The following HABP2 variants were observed in gnomAD, a reference collection of about 807,000 sequenced individuals.
HABP2 encodes factor VII-activating protease.
In HABP2, 65 loss-of-function variants were observed where a neutral mutation model predicts 66.5. That is an observed-to-expected ratio of 0.98 (90% confidence interval 0.80 to 1.20). The LOEUF is 1.20. Among genes scored for constraint, HABP2 ranks in the 50% most tolerant of loss-of-function variants. The pLI is 0.00. For missense variants in HABP2, 786 were observed against 691.0 expected, an observed-to-expected ratio of 1.14 and a Z score of -1.54; for synonymous variants, 263 against 253.9, an observed-to-expected ratio of 1.04 and a Z score of -0.34.
In HABP2 at chr10:113,588,637, C is replaced by T; in HGVS notation, c.*268C>T. 1 of 520,990 alleles carries T rather than the reference C, an allele frequency of 1.9e-6. No individual in the cohort carries two copies. The highest frequency in any genetic ancestry group is 3.4e-6 in the Non-Finnish European group (1 of 297,462). 32.3% of individuals were successfully genotyped at this position (520,990 alleles called of 1,614,324 possible). A position where few individuals can be genotyped will look rare whatever the true frequency, so the allele number is the denominator to read the frequency against. ...GTTTGCTTTCCTTACCCAATTGTACCTTCTAGAAAATCAGTGTTCACAGAG... is the reference window on the plus strand; with the variant it reads ...GTTTGCTTTCCTTACCCAATTGTACTTTCTAGAAAATCAGTGTTCACAGAG... On this transcript the variant is annotated 3_prime_UTR_variant, in exon 13 of 13. Coordinates refer to ENST00000351270, the MANE Select transcript of HABP2 (RefSeq NM_004132.5).
intron 1 of HABP2, among the ~76,000 whole-genome samples, chr10:113,564,980 A>G (rs4918845): frequency 0.33 from 49,385 of 151,872 alleles, 9,324 homozygotes; most frequent in East Asian, 0.51. Flanking sequence ...CCGAGTAGCT[A>G]GGACTACAGG....
At position 113,578,776 on chromosome 10, in the gene HABP2, A is replaced by T; in HGVS notation, c.718A>T (p.Ile240Phe). Residue 240 changes from isoleucine to phenylalanine, a missense_variant, in exon 7 of 13, where the codon ATT (isoleucine) becomes TTT (phenylalanine). Physicochemically the swap from Ile to Phe is conservative, Grantham distance 21. Transcript: ENST00000351270. ...TATGGAGGATGCTGAAACCCATGGG[A>T]TTGGGGAACACAATTTCTGCAGGTA... ...MFMEDAETHG[I>F]GEHNFCRNPD... The T allele has an allele frequency of 6.2e-7, 1 of 1,611,248 alleles. No individual in the cohort carries two copies. Among genetic ancestry groups the T allele is most frequent in the Non-Finnish European group, 8.5e-7 (1 of 1,177,624 alleles).
Position 113,586,474 on chromosome 10 carries a change from G to T in HABP2, c.1518+536G>T, listed in dbSNP as rs1352784162. On this transcript the variant is annotated intron_variant, in intron 12 of 12. Coordinates refer to ENST00000351270, the MANE Select transcript of HABP2 (RefSeq NM_004132.5). Reference sequence around the variant, plus strand: ...GACTCATGTGTGCGTGTGTGTGTGTGTGGGGGGGGGGGGGGTGTTTTAGCC... The same window carrying T: ...GACTCATGTGTGCGTGTGTGTGTGTTTGGGGGGGGGGGGGGTGTTTTAGCC... Among the ~76,000 whole-genome samples the T allele has an allele frequency of 3.7e-5, 3 of 81,972 alleles. 1 individual carries two copies. The highest frequency in any genetic ancestry group is 1.0e-3 in the South Asian group (2 of 2,010). The allele number at this position is 81,972 out of a possible 152,430, so 53.8% of individuals were successfully genotyped here. A position where few individuals can be genotyped will look rare whatever the true frequency, so the allele number is the denominator to read the frequency against.
At position 113,578,760 on chromosome 10, in the gene HABP2, T is replaced by C; in HGVS notation, c.702T>C (p.Asp234=). ...LQENYNMFME[D]AETHGIGEHN... ...AGAATTACAACATGTTTATGGAGGA[T>C]GCTGAAACCCATGGGATTGGGGAAC... The change falls in exon 7 of 13, where the codon GAT becomes GAC. Residue 234 remains aspartate, a synonymous_variant. Transcript: ENST00000351270. The C allele has an allele frequency of 6.2e-7, 1 of 1,612,768 alleles. No individual in the cohort carries two copies. The highest frequency in any genetic ancestry group is 8.5e-7 in the Non-Finnish European group (1 of 1,178,728).
chr10:113,571,168 G>T (rs1845301311), intron 2 of HABP2, among the ~76,000 whole-genome samples: 1 of 152,174 alleles, frequency 6.6e-6, no homozygotes, highest in Non-Finnish European at 1.5e-5. Flanking sequence ...GACAATTTTG[G>T]CTGGGTTCAG....
chr10:113,557,744 G>A (rs1207592242), intron 1 of HABP2, among the ~76,000 whole-genome samples: 1 of 152,238 alleles, frequency 6.6e-6, no homozygotes, highest in Non-Finnish European at 1.5e-5. Flanking sequence ...AATAATAGGA[G>A]TAGTAAGAGT....
chr10:113,587,474 A>G (rs1845667416), intron 12 of HABP2, among the ~76,000 whole-genome samples: 1 of 151,300 alleles, frequency 6.6e-6, no homozygotes, highest in African/African-American at 2.4e-5. Context: ...CAATTCTTCA[A>G]TCTCAGATGC....
intron 5 of HABP2, 125 bp downstream of exon 5, chr10:113,577,391 C>T: frequency 1.5e-6 from 1 of 679,448 alleles, no homozygotes; most frequent in South Asian, 1.8e-5. Context: ...GTCCTTTTCC[C>T]TAGGCTTTCT....
chr10:113,556,221 C>T (rs952035670), intron 1 of HABP2, among the ~76,000 whole-genome samples: 1 of 152,214 alleles, frequency 6.6e-6, no homozygotes, highest in Non-Finnish European at 1.5e-5. Context: ...TCAAGTTTAA[C>T]TTGGTGGATA....
At chr10:113,556,323 G>T (rs892650688) in intron 1 of HABP2, among the ~76,000 whole-genome samples, 2 of 152,150 alleles carry the variant, frequency 1.3e-5, no homozygotes, top group African/African-American at 4.8e-5. Flanking sequence ...TAAAGATACA[G>T]ATTCCCAGCT....
Position 113,567,408 on chromosome 10 carries a change from TCTC to T in HABP2, c.70-77_70-75del, listed in dbSNP as rs1308765748. On this transcript the variant is annotated intron_variant, in intron 1 of 12. Coordinates refer to ENST00000351270, the MANE Select transcript of HABP2 (RefSeq NM_004132.5). ...CGCAGTGCACCTGCACCCCATACGA[TCTC>T]CTCTGGCTGACAGCTAAGGAGCACG... is the stretch of plus-strand genomic sequence containing the variant. The T allele has an allele frequency of 2.0e-5, 21 of 1,062,444 alleles. No individual in the cohort carries two copies. In the East Asian group the frequency reaches 4.7e-4, roughly 24 times the overall value. 65.8% of individuals were successfully genotyped at this position (1,062,444 alleles called of 1,614,324 possible).
chr10:113,568,759 G>A lies in HABP2; in HGVS notation c.106+1234G>A, dbSNP rs1431749841. On this transcript the variant is annotated intron_variant, in intron 2 of 12. Coordinates refer to ENST00000351270, the MANE Select transcript of HABP2 (RefSeq NM_004132.5). The stretch of plus-strand genomic sequence containing the variant: ...AAGCCCAAATTGCTCAGGCACCGCT[G>A]AAGGGGATCCCTGGGTCTGATTTTC... 2.0e-5 allele frequency among the ~76,000 whole-genome samples: 3 copies of A among 152,326 alleles called. No homozygotes were observed. In the East Asian group the frequency reaches 5.8e-4, roughly 29 times the overall value.
chr10:113,572,004 A>G (rs1845323211), intron 2 of HABP2, among the ~76,000 whole-genome samples: 1 of 152,246 alleles, frequency 6.6e-6, no homozygotes, highest in Non-Finnish European at 1.5e-5. Flanking sequence ...ACTCCTGTAA[A>G]GCACCTTCAA....
intron 1 of HABP2, 96 bp from the exon 2 acceptor site, chr10:113,567,393 C>A (rs1031964514): frequency 1.1e-5 from 10 of 908,252 alleles, no homozygotes; most frequent in Non-Finnish European, 1.8e-5. Flanking sequence ...CGCAGTGCAC[C>A]TGCACCCCAT....
Position 113,578,085 on chromosome 10 carries a change from C to T in HABP2, c.508C>T (p.Arg170Trp), listed in dbSNP as rs368835886. The T allele has an allele frequency of 1.9e-5, 31 of 1,613,966 alleles. No homozygotes were observed. Among genetic ancestry groups the T allele is most frequent in the Non-Finnish European group, 2.3e-5 (27 of 1,179,916 alleles). ...TGGGGCTACCTGCTCCCGGCATAAG[C>T]GGAGATCCAAGTTCACCTGTGCCTG... ...QNGATCSRHK[R>W]RSKFTCACPD... Residue 170 changes from arginine (R) to tryptophan (W), a missense_variant, in exon 6 of 13, where the codon CGG (arginine) becomes TGG (tryptophan). By Grantham distance (101) the Arg-to-Trp change is moderately radical. Transcript: ENST00000351270.
chr10:113,582,218 C>T (rs921548170), intron 9 of HABP2, 87 bp downstream of exon 9: 1 of 1,344,506 alleles, frequency 7.4e-7, no homozygotes, highest in Non-Finnish European at 1.0e-6. Flanking sequence ...CTTTGTAGCT[C>T]TGTCAGGATT....
At chr10:113,584,093 C>T in intron 10 of HABP2, 55 bp from the exon 11 acceptor site, 1 of 1,552,750 alleles carries the variant, frequency 6.4e-7, no homozygotes, top group Non-Finnish European at 8.9e-7. Flanking sequence ...GGAGCTGGTG[C>T]TTCTCTGACA....
intron 8 of HABP2, among the ~76,000 whole-genome samples, chr10:113,581,040 T>G (rs111830912): frequency 6.6e-6 from 1 of 152,304 alleles, no homozygotes; most frequent in Non-Finnish European, 1.5e-5. Context: ...TCCCATAGCC[T>G]CTTAGGATGC....
In HABP2 at chr10:113,588,346, A is replaced by G. The variant is rs775963221; in HGVS notation, c.1660A>G (p.Ile554Val). The change falls in exon 13 of 13, where the codon ATC becomes GTC. Residue 554 changes from isoleucine to valine, a missense_variant. Coordinates refer to ENST00000351270, the MANE Select transcript of HABP2 (RefSeq NM_004132.5). ...TKFLNWIKAT[I>V]KSESGF The stretch of plus-strand genomic sequence containing the variant: ...ATTCCTGAATTGGATCAAAGCCACC[A>G]TCAAAAGTGAAAGTGGCTTCTAAGG... 8 of 1,613,404 alleles carry G rather than the reference A, an allele frequency of 5.0e-6. No homozygotes were observed. In the Admixed American group the frequency reaches 1.3e-4, roughly 27 times the overall value.
Sources: allele counts gnomAD v4.1 joint callset (sites outside exome capture counted in the v4.1 genomes callset), GRCh38; gene constraint gnomAD v4.1.1; transcripts MANE v1.5; gene names NCBI Gene and HGNC (gene_info 2026-07-23, HGNC 2026-07-21).